The following RABGAP1L variants were observed in gnomAD, a reference collection of about 807,000 sequenced individuals.
RABGAP1L encodes the protein RAB GTPase activating protein 1 like, also known as rab GTPase-activating protein 1-like.
In RABGAP1L, 63 loss-of-function variants were observed where a neutral mutation model predicts 137.7. The ratio of observed to expected loss-of-function variants is 0.46; its 90% CI spans 0.37 to 0.56. RABGAP1L has a LOEUF of 0.56. Among genes scored for constraint, RABGAP1L ranks in the 20% least tolerant of loss-of-function variants. The probability of loss-of-function intolerance (pLI) is 0.00; values close to 1 mark genes in which losing one functional copy is unlikely to be tolerated. For synonymous variants in RABGAP1L, 431 were observed against 433.7 expected, an observed-to-expected ratio of 0.99 and a Z score of 0.08; for missense variants, 1,095 against 1,244.0, an observed-to-expected ratio of 0.88 and a Z score of 1.80.
At chr1:174,784,160 C>A (rs1687273623) in intron 18 of RABGAP1L, among the ~76,000 whole-genome samples, 1 of 151,486 alleles carries the variant, frequency 6.6e-6, no homozygotes, top group African/African-American at 2.4e-5. Flanking sequence ...GCTGGGACTA[C>A]AGGCACCCGC....
chr1:174,958,414 A>G (rs1018077638), intron 20 of RABGAP1L, among the ~76,000 whole-genome samples: 2 of 152,150 alleles, frequency 1.3e-5, no homozygotes, highest in African/African-American at 2.4e-5. Context: ...TCTCTTCAAC[A>G]TGCTTTAACT....
chr1:174,872,719 T>C (rs1173765937), intron 19 of RABGAP1L, among the ~76,000 whole-genome samples: 2 of 152,100 alleles, frequency 1.3e-5, no homozygotes. Flanking sequence ...TTTTCAATTT[T>C]TTGTAAAGAT....
intron 7 of RABGAP1L, among the ~76,000 whole-genome samples, chr1:174,265,662 A>G (rs548413939): frequency 6.6e-5 from 10 of 151,746 alleles, no homozygotes; most frequent in African/African-American, 9.7e-5. Context: ...TAAGGATGGT[A>G]TGGAGGGTTT....
intron 11 of RABGAP1L, among the ~76,000 whole-genome samples, chr1:174,317,147 A>T (rs1249657194): frequency 6.6e-6 from 1 of 151,940 alleles, no homozygotes; most frequent in African/African-American, 2.4e-5. Flanking sequence ...CCCTGTGGAC[A>T]TGCTAGAACC....
chr1:174,988,951 T>C (rs1412762393), intron 25 of RABGAP1L, 113 bp downstream of exon 25: 5 of 936,236 alleles, frequency 5.3e-6, no homozygotes, highest in Non-Finnish European at 7.4e-6. Context: ...GAATACATTT[T>C]CTGTCTGCTA....
intron 1 of RABGAP1L, among the ~76,000 whole-genome samples, chr1:174,202,920 A>G (rs1478559016): frequency 6.6e-6 from 1 of 152,070 alleles, no homozygotes; most frequent in Non-Finnish European, 1.5e-5. Flanking sequence ...TCCTTTCCCC[A>G]TTGCTTCTTT....
At chr1:174,987,799 A>G (rs1671722807) in intron 24 of RABGAP1L, among the ~76,000 whole-genome samples, 1 of 152,076 alleles carries the variant, frequency 6.6e-6, no homozygotes, top group African/African-American at 2.4e-5. Flanking sequence ...GGCATGTGGT[A>G]GAGTTATTTT....
At chr1:174,543,929 G>C (rs1005068062) in intron 13 of RABGAP1L, among the ~76,000 whole-genome samples, 6 of 152,182 alleles carry the variant, frequency 3.9e-5, no homozygotes, top group African/African-American at 1.2e-4. Context: ...GTCCCCCACT[G>C]TCTTCTGGCT....
chr1:174,957,956 GAA>G (rs1400774579), intron 20 of RABGAP1L: 7 of 1,572,588 alleles, frequency 4.5e-6, no homozygotes, highest in South Asian at 2.4e-5. Flanking sequence ...GAAGCTGAGA[GAA>G]AGAGAGGGGA....
At chr1:174,549,213 T>C (rs1431087120) in intron 13 of RABGAP1L, among the ~76,000 whole-genome samples, 1 of 152,202 alleles carries the variant, frequency 6.6e-6, no homozygotes, top group African/African-American at 2.4e-5. Flanking sequence ...CCTATACTTC[T>C]TAAACAGATT....
intron 19 of RABGAP1L, among the ~76,000 whole-genome samples, chr1:174,833,457 T>TAG: frequency 2.3e-5 from 1 of 43,366 alleles, no homozygotes; most frequent in Non-Finnish European, 9.5e-5. Flanking sequence ...GAGATATATA[T>TAG]ATATATATAT....
intron 20 of RABGAP1L, chr1:174,957,988 C>T: frequency 7.0e-6 from 11 of 1,563,724 alleles, no homozygotes; most frequent in Non-Finnish European, 8.6e-6. Context: ...TGGCTTTCTA[C>T]TTTCAAAAAT....
chr1:174,428,190 G>A (rs1652182334), intron 13 of RABGAP1L, among the ~76,000 whole-genome samples: 1 of 152,140 alleles, frequency 6.6e-6, no homozygotes, highest in African/African-American at 2.4e-5. Flanking sequence ...GAAATGCTGA[G>A]TCAACAGAAA....
chr1:174,834,939 T>A (rs1453820659), intron 19 of RABGAP1L, among the ~76,000 whole-genome samples: 2 of 152,178 alleles, frequency 1.3e-5, no homozygotes, highest in Admixed American at 1.3e-4. Flanking sequence ...GAGTTTGAAT[T>A]GTATCCTGCA....
chr1:174,309,265 G>A (rs1227458467), intron 11 of RABGAP1L, among the ~76,000 whole-genome samples: 1 of 151,986 alleles, frequency 6.6e-6, no homozygotes, highest in Non-Finnish European at 1.5e-5. Flanking sequence ...TCGATGGAGT[G>A]TTTAGGGTTT....
chr1:174,174,575 G>A lies in RABGAP1L; in HGVS notation c.-34+14918G>A, dbSNP rs116745412. Among the ~76,000 whole-genome samples the A allele has an allele frequency of 4.7e-3, 717 of 152,270 alleles. 6 individuals are homozygous for A. The highest frequency in any genetic ancestry group is 0.014 in the African/African-American group (595 of 41,546). ...GTCCAAAGGCCTGAGAACCAGCAGA[G>A]CCAACATTGTATTAGGTTGGTGCAA... On this transcript the variant is annotated intron_variant, in intron 1 of 25. Transcript: ENST00000681986.
At chr1:174,588,525 T>TGG (rs1669302978) in intron 13 of RABGAP1L, among the ~76,000 whole-genome samples, 1 of 152,214 alleles carries the variant, frequency 6.6e-6, no homozygotes. Context: ...TTTGTTTTCC[T>TGG]GTCAAATAAT....
At chr1:174,906,634 T>C (rs1193123321) in intron 19 of RABGAP1L, among the ~76,000 whole-genome samples, 2 of 151,488 alleles carry the variant, frequency 1.3e-5, no homozygotes, top group African/African-American at 4.8e-5. Context: ...TCTCAAAAAA[T>C]AAAAATTAAT....
chr1:174,369,393 G>T (rs762594639), intron 11 of RABGAP1L, among the ~76,000 whole-genome samples: 1 of 152,084 alleles, frequency 6.6e-6, no homozygotes, highest in African/African-American at 2.4e-5. Flanking sequence ...GTTTTACCAT[G>T]TTGCCCAGGC....
Sources: allele counts gnomAD v4.1 joint callset (sites outside exome capture counted in the v4.1 genomes callset), GRCh38; gene constraint gnomAD v4.1.1; transcripts MANE v1.5; gene names NCBI Gene and HGNC (gene_info 2026-07-23, HGNC 2026-07-21).